ROBO1: variants seen among roughly 807,000 people sequenced by gnomAD.
The protein encoded by ROBO1 is roundabout homolog 1.
In ROBO1, 149 loss-of-function variants were observed where a neutral mutation model predicts 195.9. That is an observed-to-expected ratio of 0.76 (90% CI 0.67 to 0.87). ROBO1 has a LOEUF of 0.87. Among genes scored for constraint, ROBO1 ranks in the 40% least tolerant of loss-of-function variants. ROBO1 has a pLI of 0.00. For synonymous variants in ROBO1, 816 were observed against 733.2 expected (o/e 1.11, Z -1.82); for missense variants, 1,933 against 2,068.3 (o/e 0.93, Z 1.27).
intron 2 of ROBO1, among the ~76,000 whole-genome samples, chr3:79,249,297 C>T (rs1052599700): frequency 1.3e-5 from 2 of 152,126 alleles, no homozygotes; most frequent in African/African-American, 2.4e-5. Context: ...AAGAGGACTA[C>T]GTTTCCTGAC....
chr3:78,681,077 G>A (rs1020459817), intron 10 of ROBO1, among the ~76,000 whole-genome samples: 7 of 151,704 alleles, frequency 4.6e-5, no homozygotes, highest in South Asian at 4.2e-4. Context: ...GTAAACTATC[G>A]CAAGGACAAA....
intron 2 of ROBO1, among the ~76,000 whole-genome samples, chr3:79,136,948 T>C (rs2080421476): frequency 6.6e-6 from 1 of 152,038 alleles, no homozygotes; most frequent in South Asian, 2.1e-4. Flanking sequence ...TGTAGAACAT[T>C]AGAGATAATA....
chr3:78,811,673 A>G (rs1215608690), intron 4 of ROBO1, among the ~76,000 whole-genome samples: 2 of 152,088 alleles, frequency 1.3e-5, no homozygotes, highest in Non-Finnish European at 1.5e-5. Context: ...CACTGAATCA[A>G]TCTCAGTTCC....
At chr3:78,608,738 G>T (rs1017520591) in intron 28 of ROBO1, among the ~76,000 whole-genome samples, 2 of 152,050 alleles carry the variant, frequency 1.3e-5, no homozygotes, top group African/African-American at 4.8e-5. Context: ...AGATGTGTTT[G>T]AGATTAAGGC....
intron 5 of ROBO1, among the ~76,000 whole-genome samples, chr3:78,721,644 T>C (rs2082047613): frequency 6.6e-6 from 1 of 152,238 alleles, no homozygotes; most frequent in Non-Finnish European, 1.5e-5. Flanking sequence ...CTATAAAATG[T>C]AAGGCTTTAA....
chr3:79,314,172 C>A (rs549136146), intron 2 of ROBO1, among the ~76,000 whole-genome samples: 1 of 152,252 alleles, frequency 6.6e-6, no homozygotes, highest in South Asian at 2.1e-4. Context: ...TTTTGTTCTT[C>A]TCCCACCTCA....
chr3:79,542,693 G>A (rs1942118552), intron 2 of ROBO1, among the ~76,000 whole-genome samples: 1 of 151,806 alleles, frequency 6.6e-6, no homozygotes, highest in Non-Finnish European at 1.5e-5. Context: ...TAATGAATGT[G>A]ATAACTGAGA....
intron 14 of ROBO1, 122 bp from the exon 15 acceptor site, chr3:78,662,236 G>C (rs1707463400): frequency 1.4e-6 from 1 of 700,716 alleles, no homozygotes; most frequent in Non-Finnish European, 2.0e-6. Context: ...AAGCCAGGCT[G>C]TGATTCGGAA....
chr3:79,576,868 A>G lies in ROBO1; in HGVS notation c.88+12956T>C, dbSNP rs923870123. Among the ~76,000 whole-genome samples, 4 of 152,324 alleles carry G rather than the reference A, an allele frequency of 2.6e-5. No individual in the cohort carries two copies. The Middle Eastern group carries it at 0.01, about 389-fold the overall frequency. ...TTATAAATTAGTTCCAGATTATTCT[A>G]TAGTTTGTAGAGCTGCTTCTGTGAA... On this transcript the variant is annotated intron_variant, in intron 2 of 30. Transcript: ENST00000464233.
At position 78,813,943 on chromosome 3, in the gene ROBO1, C is replaced by T. The variant is rs549185075; in HGVS notation, c.500-67043G>A. Among the ~76,000 whole-genome samples the T allele has an allele frequency of 4.6e-5, 7 of 152,070 alleles. No homozygotes were observed. In the South Asian group the frequency reaches 1.2e-3, roughly 27 times the overall value. On this transcript the variant is annotated intron_variant, in intron 4 of 30. Transcript: ENST00000464233. Reference sequence around the variant, plus strand: ...TCCAGAGTAATAATATTTCTTCATTCATTCACTCAGGTAAATGTTCTGCTT... The same window carrying T: ...TCCAGAGTAATAATATTTCTTCATTTATTCACTCAGGTAAATGTTCTGCTT...
At chr3:78,776,372 C>T (rs1199313042) in intron 4 of ROBO1, among the ~76,000 whole-genome samples, 1 of 152,174 alleles carries the variant, frequency 6.6e-6, no homozygotes, top group African/African-American at 2.4e-5. Flanking sequence ...CTGCCTTAGC[C>T]TCCCAAGTAG....
intron 28 of ROBO1, among the ~76,000 whole-genome samples, chr3:78,612,752 C>A (rs1405705370): frequency 2.0e-5 from 3 of 152,150 alleles, no homozygotes; most frequent in Non-Finnish European, 4.4e-5. Context: ...TAGCTTTAGT[C>A]ATTTCTCCAT....
At chr3:79,497,161 A>G (rs1473538630) in intron 2 of ROBO1, among the ~76,000 whole-genome samples, 2 of 152,202 alleles carry the variant, frequency 1.3e-5, no homozygotes, top group Non-Finnish European at 2.9e-5. Flanking sequence ...GCAAGTTTCA[A>G]GCAGATTCTA....
chr3:78,925,985 C>T (rs1279710504), intron 4 of ROBO1, among the ~76,000 whole-genome samples: 1 of 152,080 alleles, frequency 6.6e-6, no homozygotes, highest in East Asian at 1.9e-4. Flanking sequence ...ACTCTCCTGC[C>T]TCAGCCTCCC....
chr3:79,504,693 G>GA (rs1242777360), intron 2 of ROBO1, among the ~76,000 whole-genome samples: 2 of 152,124 alleles, frequency 1.3e-5, no homozygotes, highest in African/African-American at 4.8e-5. Context: ...TATTGGAATG[G>GA]AAAATGCAAA....
At chr3:78,976,740 A>T (rs1226938741) in intron 3 of ROBO1, among the ~76,000 whole-genome samples, 1 of 152,192 alleles carries the variant, frequency 6.6e-6, no homozygotes, top group Non-Finnish European at 1.5e-5. Flanking sequence ...TCTTCACTTA[A>T]TATAACCAAG....
intron 2 of ROBO1, among the ~76,000 whole-genome samples, chr3:79,581,367 C>A (rs770199800): frequency 3.3e-5 from 5 of 152,062 alleles, no homozygotes; most frequent in Non-Finnish European, 5.9e-5. Flanking sequence ...GTTTTTCTAT[C>A]CAGTTTAATC....
At chr3:78,928,983 C>A (rs920151439) in intron 4 of ROBO1, among the ~76,000 whole-genome samples, 2 of 152,094 alleles carry the variant, frequency 1.3e-5, no homozygotes, top group East Asian at 3.9e-4. Flanking sequence ...TAAATACTTT[C>A]GTGGAGGTGG....
At chr3:79,156,050 C>G (rs1399689963) in intron 2 of ROBO1, among the ~76,000 whole-genome samples, 3 of 151,732 alleles carry the variant, frequency 2.0e-5, no homozygotes, top group Non-Finnish European at 1.5e-5. Flanking sequence ...GCCAGCTTTT[C>G]CAGAGGGTCG....
Sources: gnomAD v4.1 joint callset for allele counts (sites outside exome capture counted in the v4.1 genomes callset) on GRCh38, gnomAD v4.1.1 for gene constraint, MANE v1.5 for transcripts, NCBI Gene and HGNC (gene_info 2026-07-23, HGNC 2026-07-21) for gene names.